Variants in OSBPL8 observed in about 807,000 individuals in gnomAD.
OSBPL8 encodes oxysterol binding protein like 8, also known as oxysterol-binding protein-related protein 8.
Under a neutral mutation model 125.5 loss-of-function variants are expected in OSBPL8, and 59 were observed. The ratio of observed to expected loss-of-function variants is 0.47; its 90% CI spans 0.38 to 0.58. The LOEUF (loss-of-function observed/expected upper bound fraction) is 0.58, where lower values mean the gene tolerates loss of function less well. Ranked by LOEUF, OSBPL8 falls within the 20% of genes least tolerant of loss-of-function variation. The pLI, the probability that OSBPL8 is intolerant of heterozygous loss-of-function variation, is 0.00. For missense variants in OSBPL8, 758 were observed against 1,047.8 expected (o/e 0.72, Z 3.82); for synonymous variants, 330 against 338.9 (o/e 0.97, Z 0.29).
At chr12:76,358,661 A>G (rs761854369) in intron 22 of OSBPL8, 45 bp downstream of exon 22, 18 of 1,434,758 alleles carry the variant, frequency 1.3e-5, no homozygotes, top group Non-Finnish European at 1.8e-5. Context: ...ATTGTGTAGT[A>G]ATTAAAAAGT....
chr12:76,410,242 T>TC (rs1247740692), intron 5 of OSBPL8, among the ~76,000 whole-genome samples: 1 of 150,464 alleles, frequency 6.6e-6, no homozygotes, highest in Non-Finnish European at 1.5e-5. Flanking sequence ...ACACTTAAGA[T>TC]TTTTTTTTTA....
intron 1 of OSBPL8, among the ~76,000 whole-genome samples, chr12:76,491,823 G>A (rs556152332): frequency 4.6e-5 from 7 of 152,212 alleles, no homozygotes; most frequent in South Asian, 4.1e-4. Context: ...ACTTGTATTT[G>A]AATACTGCAT....
chr12:76,408,143 T>TA (rs376221340), intron 5 of OSBPL8, among the ~76,000 whole-genome samples: 3,927 of 91,966 alleles, frequency 0.043, 144 homozygotes, highest in African/African-American at 0.089. Flanking sequence ...CCTCATCTCT[T>TA]AAAAAAAAAA....
chr12:76,443,709 G>A (rs1031652889), intron 4 of OSBPL8, among the ~76,000 whole-genome samples: 21 of 152,088 alleles, frequency 1.4e-4, no homozygotes, highest in African/African-American at 4.6e-4. Flanking sequence ...GTTTCACCAT[G>A]TTGGCCAGGC....
At chr12:76,535,535 A>C (rs757831043) in intron 1 of OSBPL8, among the ~76,000 whole-genome samples, 1 of 152,216 alleles carries the variant, frequency 6.6e-6, no homozygotes, top group Admixed American at 6.5e-5. Context: ...GCTACTCTTA[A>C]GTATTTACCA....
intron 5 of OSBPL8, among the ~76,000 whole-genome samples, chr12:76,409,163 A>G (rs1284222894): frequency 6.6e-6 from 1 of 152,152 alleles, no homozygotes; most frequent in African/African-American, 2.4e-5. Flanking sequence ...GCTGAAGGAA[A>G]CTGAGAAAAC....
At chr12:76,531,737 T>TA (rs971890650) in intron 1 of OSBPL8, among the ~76,000 whole-genome samples, 2 of 151,708 alleles carry the variant, frequency 1.3e-5, no homozygotes, top group African/African-American at 2.4e-5. Context: ...TACTGCGCAC[T>TA]AAAAAAAACT....
intron 1 of OSBPL8, among the ~76,000 whole-genome samples, chr12:76,501,287 A>AT (rs887032231): frequency 6.6e-6 from 1 of 152,138 alleles, no homozygotes; most frequent in African/African-American, 2.4e-5. Context: ...TGAATCTTGC[A>AT]TTTTTTAACA....
chr12:76,365,548 T>C (rs1228584885), intron 21 of OSBPL8, among the ~76,000 whole-genome samples: 1 of 152,198 alleles, frequency 6.6e-6, no homozygotes, highest in African/African-American at 2.4e-5. Context: ...TAATGTCACC[T>C]GTTAATTAGA....
intron 3 of OSBPL8, among the ~76,000 whole-genome samples, chr12:76,451,203 T>C (rs1009334885): frequency 6.6e-6 from 1 of 152,174 alleles, no homozygotes; most frequent in Non-Finnish European, 1.5e-5. Flanking sequence ...GAGTCAAATA[T>C]ACAAATTATA....
intron 21 of OSBPL8, among the ~76,000 whole-genome samples, chr12:76,364,973 T>C (rs1004257789): frequency 6.6e-6 from 1 of 152,172 alleles, no homozygotes; most frequent in African/African-American, 2.4e-5. Flanking sequence ...GTTACGTCCT[T>C]ATTTTTTTGA....
chr12:76,400,535 G>A (rs1282228287), intron 6 of OSBPL8, among the ~76,000 whole-genome samples: 3 of 152,056 alleles, frequency 2.0e-5, no homozygotes, highest in Non-Finnish European at 4.4e-5. Flanking sequence ...TTGCTAGGTC[G>A]AATGGTAGTT....
At chr12:76,412,269 A>C (rs944158328) in intron 4 of OSBPL8, among the ~76,000 whole-genome samples, 4 of 152,108 alleles carry the variant, frequency 2.6e-5, no homozygotes, top group Non-Finnish European at 4.4e-5. Flanking sequence ...ATTTACAAAC[A>C]ATCTATGGCG....
intron 21 of OSBPL8, among the ~76,000 whole-genome samples, chr12:76,359,296 T>C (rs2136131632): frequency 6.6e-6 from 1 of 152,336 alleles, no homozygotes; most frequent in African/African-American, 2.4e-5. Flanking sequence ...AAACGGTTTA[T>C]TTACTTTTAA....
intron 2 of OSBPL8, among the ~76,000 whole-genome samples, chr12:76,486,709 G>T (rs768750822): frequency 6.6e-6 from 1 of 152,146 alleles, no homozygotes; most frequent in South Asian, 2.1e-4. Context: ...TCACAGGGTA[G>T]AAATGTTTAT....
At chr12:76,530,902 C>T (rs182499012) in intron 1 of OSBPL8, among the ~76,000 whole-genome samples, 1 of 152,196 alleles carries the variant, frequency 6.6e-6, no homozygotes, top group Non-Finnish European at 1.5e-5. Flanking sequence ...CCAGAAACAA[C>T]ATAAGTTCTC....
At chr12:76,546,203 T>C (rs997974257) in intron 1 of OSBPL8, among the ~76,000 whole-genome samples, 18 of 152,202 alleles carry the variant, frequency 1.2e-4, no homozygotes, top group African/African-American at 4.1e-4. Context: ...GAAATGCTAA[T>C]TTCTACTGTT....
At chr12:76,375,064 A>C (rs905181547) in intron 17 of OSBPL8, among the ~76,000 whole-genome samples, 1 of 152,184 alleles carries the variant, frequency 6.6e-6, no homozygotes, top group Non-Finnish European at 1.5e-5. Context: ...CTTTTGTGTT[A>C]ATTTGAATTT....
At chr12:76,496,216 G>A (rs2137080374) in intron 1 of OSBPL8, among the ~76,000 whole-genome samples, 1 of 151,282 alleles carries the variant, frequency 6.6e-6, no homozygotes, top group South Asian at 2.1e-4. Context: ...TAAGTGCTCT[G>A]CTGTTTGGTG....
Sources: gnomAD v4.1 joint callset for allele counts (sites outside exome capture counted in the v4.1 genomes callset) on GRCh38, gnomAD v4.1.1 for gene constraint, MANE v1.5 for transcripts, NCBI Gene and HGNC (gene_info 2026-07-23, HGNC 2026-07-21) for gene names.